Variants in SCARB1 observed in about 807,000 individuals in gnomAD.
SCARB1 encodes CD36 and LIMPII analogous 1.
SCARB1 carries 30 observed loss-of-function variants against 57.2 expected under a neutral mutation model. That is an observed-to-expected ratio of 0.52 (90% CI 0.39 to 0.71). SCARB1 has a LOEUF of 0.71. Ranked by LOEUF, SCARB1 falls within the 30% of genes least tolerant of loss-of-function variation. The pLI, the probability that SCARB1 is intolerant of heterozygous loss-of-function variation, is 0.00. For synonymous variants in SCARB1, 249 were observed against 268.3 expected (o/e 0.93, Z 0.70); for missense variants, 543 against 671.2 (o/e 0.81, Z 2.11).
Position 124,863,802 on chromosome 12 carries a change from G to A in SCARB1, c.-82C>T. 7.3e-7 allele frequency: 1 copy of A among 1,368,704 alleles called. No individual in the cohort carries two copies. Among genetic ancestry groups the A allele is most frequent in the Non-Finnish European group, 9.4e-7 (1 of 1,065,376 alleles). 84.8% of individuals were successfully genotyped at this position (1,368,704 alleles called of 1,614,324 possible). A position where few individuals can be genotyped will look rare whatever the true frequency, so the allele number is the denominator to read the frequency against. ...GGGGACGGCGACAGAGACGACACAGGCGGGGACTCCGGGCACGCAGGCCGC... is the reference window on the plus strand; with the variant it reads ...GGGGACGGCGACAGAGACGACACAGACGGGGACTCCGGGCACGCAGGCCGC... On this transcript the variant is annotated 5_prime_UTR_variant, in exon 1 of 13. Transcript: ENST00000261693.
At chr12:124,828,210 T>C (rs376000915) in intron 1 of SCARB1, among the ~76,000 whole-genome samples, 2 of 151,854 alleles carry the variant, frequency 1.3e-5, no homozygotes, top group East Asian at 3.9e-4. Context: ...GAGATGAAGA[T>C]TTCATAGACA....
rs58032386 is a variant in SCARB1, at chr12:124,777,963, G to A, written c.*624C>T. ...GAAGACTTCGGGGGGATCAAAGTCC[G>A]GCCGGGGTGGGCGGAGACCCTCGGG... On this transcript the variant is annotated 3_prime_UTR_variant, in exon 13 of 13. Transcript: ENST00000261693. 0.034 allele frequency: 5,144 copies of A among 153,144 alleles called. 314 individuals carry two copies. Among genetic ancestry groups the A allele is most frequent in the African/African-American group, 0.12 (4,871 of 41,598 alleles). 9.5% of individuals were successfully genotyped at this position (153,144 alleles called of 1,614,324 possible).
At chr12:124,828,215 T>G (rs1279021848) in intron 1 of SCARB1, among the ~76,000 whole-genome samples, 1 of 151,806 alleles carries the variant, frequency 6.6e-6, no homozygotes, top group Non-Finnish European at 1.5e-5. Flanking sequence ...GAAGATTTCA[T>G]AGACATTAAT....
chr12:124,833,915 A>C (rs10846750), intron 1 of SCARB1, among the ~76,000 whole-genome samples: 2 of 152,128 alleles, frequency 1.3e-5, no homozygotes, highest in East Asian at 1.9e-4. Context: ...ACTCTCCCGC[A>C]GCTGCTTTCA....
intron 7 of SCARB1, among the ~76,000 whole-genome samples, chr12:124,804,708 C>T (rs2093316810): frequency 6.6e-6 from 1 of 152,222 alleles, no homozygotes; most frequent in African/African-American, 2.4e-5. Context: ...TTCCATTCTG[C>T]CTGAAATAGG....
chr12:124,787,534 A>T, intron 9 of SCARB1, 77 bp from the exon 10 acceptor site: 1 of 1,287,796 alleles, frequency 7.8e-7, no homozygotes, highest in East Asian at 2.4e-5. Flanking sequence ...TGAATACAAC[A>T]TCTAAACAGG....
intron 11 of SCARB1, chr12:124,783,555 T>C (rs1296565674): frequency 6.6e-6 from 1 of 152,048 alleles, no homozygotes. Flanking sequence ...GATCATGAGG[T>C]CAGGAGTTCA....
rs1950498948 is a variant in SCARB1, at chr12:124,810,856, A to G, written c.727-567T>C. On this transcript the variant is annotated intron_variant, in intron 5 of 12. Transcript: ENST00000261693. The surrounding 1 kb of genome is among the most constrained non-coding windows in gnomAD (Gnocchi z 4.0). Reference sequence around the variant, plus strand: ...AGTATATTGGAATATACAAGCCACAATGAATGTGAACTCCATCTATCGTGA... The same window carrying G: ...AGTATATTGGAATATACAAGCCACAGTGAATGTGAACTCCATCTATCGTGA... Among the ~76,000 whole-genome samples, 2 of 152,208 alleles carry G rather than the reference A, an allele frequency of 1.3e-5. No homozygotes were observed. Among genetic ancestry groups the G allele is most frequent in the African/African-American group, 2.4e-5 (1 of 41,454 alleles).
chr12:124,837,518 AGAAAG>A (rs1951710575), intron 1 of SCARB1, among the ~76,000 whole-genome samples: 1 of 104,676 alleles, frequency 9.6e-6, no homozygotes, highest in Admixed American at 1.1e-4. Flanking sequence ...AAAAAAGAAA[AGAAAG>A]GAAAGAAAAA....
At chr12:124,838,730 GTTTTTAA>G (rs1373144477) in intron 1 of SCARB1, among the ~76,000 whole-genome samples, 2 of 146,286 alleles carry the variant, frequency 1.4e-5, no homozygotes, top group Non-Finnish European at 3.0e-5. Context: ...CCCTGCCACA[GTTTTTAA>G]TTTTAATTGG....
chr12:124,843,512 C>T (rs527558703), intron 1 of SCARB1, among the ~76,000 whole-genome samples: 1 of 152,098 alleles, frequency 6.6e-6, no homozygotes, highest in Non-Finnish European at 1.5e-5. Context: ...AGTAATGGGA[C>T]CTGGATTTGA....
chr12:124,785,034 C>T (rs1362393148), intron 11 of SCARB1: 1 of 152,324 alleles, frequency 6.6e-6, no homozygotes, highest in African/African-American at 2.4e-5. Flanking sequence ...CTGTTATCAC[C>T]CCTCTTCCTG....
intron 10 of SCARB1, among the ~76,000 whole-genome samples, chr12:124,787,026 C>G (rs1949551075): frequency 6.6e-6 from 1 of 152,182 alleles, no homozygotes; most frequent in Admixed American, 6.5e-5. Context: ...ATAAAACAAG[C>G]TAGGCCAGAA....
intron 7 of SCARB1, among the ~76,000 whole-genome samples, chr12:124,804,666 G>T (rs1360060563): frequency 1.3e-5 from 2 of 152,218 alleles, no homozygotes; most frequent in East Asian, 1.9e-4. Flanking sequence ...GGCGTCCCAG[G>T]CCCCAGCTCC....
rs1950770572 is a variant in SCARB1, at chr12:124,817,226, A to AG, written c.284+323dup. 6.6e-6 allele frequency among the ~76,000 whole-genome samples: 1 copy of AG among 151,688 alleles called. No individual in the cohort carries two copies. On this transcript the variant is annotated intron_variant, in intron 2 of 12. Transcript: ENST00000261693. The surrounding 1 kb of genome is among the most constrained non-coding windows in gnomAD (Gnocchi z 4.8). ...CCATTGGTCCCTCCCTGCTCCATAA[A>AG]GAACCTCTCTAGGCAACGTCTGGTG... is the stretch of plus-strand genomic sequence containing the variant.
chr12:124,794,941 C>T (rs1420216361), intron 9 of SCARB1, among the ~76,000 whole-genome samples: 1 of 151,154 alleles, frequency 6.6e-6, no homozygotes, highest in Non-Finnish European at 1.5e-5. Flanking sequence ...AAAAACAAAA[C>T]AAAACAAAAC....
chr12:124,845,233 C>G (rs1213456226), intron 1 of SCARB1, among the ~76,000 whole-genome samples: 1 of 152,202 alleles, frequency 6.6e-6, no homozygotes, highest in Non-Finnish European at 1.5e-5. Context: ...CGCCCATCCA[C>G]AGAGGCGCGG....
chr12:124,845,426 G>C, intron 1 of SCARB1, among the ~76,000 whole-genome samples: 1 of 152,022 alleles, frequency 6.6e-6, no homozygotes, highest in South Asian at 2.1e-4. Flanking sequence ...CGGGCACGGT[G>C]GCTCAGGCCT....
chr12:124,802,790 C>T (rs2135609622), intron 7 of SCARB1, among the ~76,000 whole-genome samples: 1 of 152,322 alleles, frequency 6.6e-6, no homozygotes, highest in East Asian at 1.9e-4. Context: ...AAGTCGGATG[C>T]CCTCACGCAA....
Sources: gnomAD v4.1 joint callset for allele counts (sites outside exome capture counted in the v4.1 genomes callset) on GRCh38, gnomAD v4.1.1 for gene constraint, Gnocchi (gnomAD v3.1) non-coding constraint, MANE v1.5 for transcripts, NCBI Gene and HGNC (gene_info 2026-07-23, HGNC 2026-07-21) for gene names.